The following EXOC5 variants were observed in gnomAD, a reference collection of about 807,000 sequenced individuals.
EXOC5 encodes the protein exocyst complex component 5.
Under a neutral mutation model 90.8 loss-of-function variants are expected in EXOC5, and 17 were observed. The ratio of observed to expected loss-of-function variants is 0.19; its 90% CI spans 0.13 to 0.28. The LOEUF is 0.28. Ranked by LOEUF, EXOC5 falls within the 10% of genes least tolerant of loss-of-function variation. EXOC5 has a pLI of 1.00. For synonymous variants in EXOC5, 260 were observed against 270.0 expected (o/e 0.96, Z 0.36); for missense variants, 569 against 830.6 (o/e 0.69, Z 3.87).
In EXOC5 at chr14:57,201,479, C is replaced by T. The variant is rs1164453006; in HGVS notation, c.*7130G>A. On this transcript the variant is annotated 3_prime_UTR_variant, in exon 18 of 18. Transcript: ENST00000621441. ...ACACACGCGTGTATATGTACACACACGTGTATAAACACACGTGTATATACA... is the reference window on the plus strand; with the variant it reads ...ACACACGCGTGTATATGTACACACATGTGTATAAACACACGTGTATATACA... 3.1e-5 allele frequency: 4 copies of T among 128,252 alleles called. No homozygotes were observed. The highest frequency in any genetic ancestry group is 6.1e-5 in the Non-Finnish European group (4 of 65,838). 7.9% of individuals were successfully genotyped at this position (128,252 alleles called of 1,614,324 possible).
chr14:57,263,604 A>G (rs1221341775), intron 1 of EXOC5, among the ~76,000 whole-genome samples: 1 of 151,600 alleles, frequency 6.6e-6, no homozygotes, highest in Non-Finnish European at 1.5e-5. Flanking sequence ...CATCTCTACT[A>G]AAAATAAAAA....
At chr14:57,243,884 T>C (rs1015798013) in intron 4 of EXOC5, among the ~76,000 whole-genome samples, 7 of 152,082 alleles carry the variant, frequency 4.6e-5, no homozygotes, top group African/African-American at 1.4e-4. Context: ...AAGAAATCTA[T>C]GGTAAAGAGA....
chr14:57,242,447 T>C (rs115857712), intron 4 of EXOC5, among the ~76,000 whole-genome samples: 10 of 151,768 alleles, frequency 6.6e-5, no homozygotes, highest in Admixed American at 6.6e-4. Flanking sequence ...TTTCACCATG[T>C]TGCCCGGGCT....
intron 12 of EXOC5, among the ~76,000 whole-genome samples, chr14:57,223,809 TA>T (rs967243826): frequency 2.4e-4 from 36 of 152,142 alleles, no homozygotes; most frequent in Middle Eastern, 3.4e-3. Flanking sequence ...TATTCTGGGC[TA>T]AAAAAACCAC....
chr14:57,213,421 T>A (rs1882883100), intron 15 of EXOC5, among the ~76,000 whole-genome samples: 2 of 151,794 alleles, frequency 1.3e-5, no homozygotes, highest in South Asian at 4.2e-4. Flanking sequence ...TTATTTATTT[T>A]TTTGAGACAC....
intron 12 of EXOC5, among the ~76,000 whole-genome samples, chr14:57,228,077 T>C (rs1883364960): frequency 6.6e-6 from 1 of 150,538 alleles, no homozygotes; most frequent in African/African-American, 2.5e-5. Flanking sequence ...AAGAAGACAT[T>C]TATGCAGTTA....
At position 57,206,840 on chromosome 14, in the gene EXOC5, G is replaced by C. The variant is rs1290030418; in HGVS notation, c.*1769C>G. On this transcript the variant is annotated 3_prime_UTR_variant, in exon 18 of 18. Coordinates refer to ENST00000621441, the MANE Select transcript of EXOC5 (RefSeq NM_006544.4). ...AAATGTTATCTCATGTTTTATTTGA[G>C]ATTTTTTTTCGTTTTTTCTTTTTTA... 6.6e-6 allele frequency: 1 copy of C among 152,374 alleles called. No homozygotes were observed. Among genetic ancestry groups the C allele is most frequent in the Non-Finnish European group, 1.5e-5 (1 of 67,916 alleles). The allele number at this position is 152,374 out of a possible 1,614,324, so 9.4% of individuals were successfully genotyped here. A position where few individuals can be genotyped will look rare whatever the true frequency, so the allele number is the denominator to read the frequency against.
At chr14:57,267,100 AAT>A (rs1284568075) in intron 1 of EXOC5, among the ~76,000 whole-genome samples, 3 of 152,208 alleles carry the variant, frequency 2.0e-5, no homozygotes, top group Admixed American at 6.5e-5. Context: ...AGATGTGAAA[AAT>A]AAAACAAGGA....
chr14:57,240,272 CAGATATCTTGTGGCCT>C (rs1314149880), intron 4 of EXOC5, among the ~76,000 whole-genome samples: 1 of 150,060 alleles, frequency 6.7e-6, no homozygotes, highest in African/African-American at 2.5e-5. Flanking sequence ...CTTAAGGCCA[CAGATATCTTGTGGCCT>C]AGATATCTCT....
chr14:57,230,420 C>T (rs964547571), intron 11 of EXOC5, among the ~76,000 whole-genome samples: 10 of 140,338 alleles, frequency 7.1e-5, no homozygotes, highest in Admixed American at 1.4e-4. Context: ...TTGAGACTAC[C>T]GTAAACACAC....
chr14:57,246,617 T>C lies in EXOC5; in HGVS notation c.270+94A>G, dbSNP rs1158517460. The C allele has an allele frequency of 2.9e-6, 3 of 1,036,130 alleles. No individual in the cohort carries two copies. In the Admixed American group the frequency reaches 6.5e-5, roughly 23 times the overall value. 64.2% of individuals were successfully genotyped at this position (1,036,130 alleles called of 1,614,324 possible). On this transcript the variant is annotated intron_variant, in intron 3 of 17. Coordinates refer to ENST00000621441, the MANE Select transcript of EXOC5 (RefSeq NM_006544.4). Reference sequence around the variant, plus strand: ...TAGAAAGAAATCTTGACAGTTACTATCATCTGACTAGACTTTTTTAAGAGC... The same window carrying C: ...TAGAAAGAAATCTTGACAGTTACTACCATCTGACTAGACTTTTTTAAGAGC...
intron 12 of EXOC5, among the ~76,000 whole-genome samples, chr14:57,225,741 C>T (rs575923731): frequency 2.6e-5 from 4 of 152,284 alleles, no homozygotes; most frequent in South Asian, 2.1e-4. Flanking sequence ...CAGGAGGTCC[C>T]GCCAACACAT....
At position 57,233,800 on chromosome 14, in the gene EXOC5, A is replaced by G; in HGVS notation, c.798T>C (p.Ser266=). 6.2e-7 allele frequency: 1 copy of G among 1,600,386 alleles called. No homozygotes were observed. Residue 266 remains serine, a synonymous_variant, in exon 9 of 18, where the codon AGT becomes AGC. Transcript: ENST00000621441. ...GTTTAGCCAGGACTGTTTCTGGATT[A>G]CTGAAGATATCTCCAACTTGTTTGT... is the stretch of plus-strand genomic sequence containing the variant. ...RVNKQVGDIF[S]NPETVLAKLI...
rs182288899 is a variant in EXOC5 at position 57,229,678 on chromosome 14, C to T, written c.1296+56G>A. On this transcript the variant is annotated intron_variant, in intron 12 of 17. Transcript: ENST00000621441. ...TCCTCGGAGGTTCTGGAATCAATTC[C>T]CCACAGATATCAAGGAACAACTGTA... The T allele has an allele frequency of 2.0e-5, 26 of 1,291,272 alleles. No individual in the cohort carries two copies. The African/African-American group carries it at 3.7e-4, about 18-fold the overall frequency. The allele number at this position is 1,291,272 out of a possible 1,614,324, so 80.0% of individuals were successfully genotyped here. A position where few individuals can be genotyped will look rare whatever the true frequency, so the allele number is the denominator to read the frequency against.
chr14:57,226,321 C>T (rs1358572165), intron 12 of EXOC5, among the ~76,000 whole-genome samples: 2 of 152,068 alleles, frequency 1.3e-5, no homozygotes, highest in Non-Finnish European at 2.9e-5. Context: ...TCCGTTCTCA[C>T]AGGATATAAG....
intron 6 of EXOC5, among the ~76,000 whole-genome samples, chr14:57,237,013 A>G (rs61994956): frequency 0.033 from 5,047 of 152,288 alleles, 121 homozygotes; most frequent in Non-Finnish European, 0.048. Context: ...AGCTATTTAT[A>G]TAGTATGGTA....
In EXOC5 at chr14:57,247,713, C is replaced by A; in HGVS notation, c.28-1G>T. ...TATATTCATCTGCCACAAAAGGCTC[C>A]TAGTTTACAAAAAAATACGCTTTAA... On this transcript the variant is annotated splice_acceptor_variant, in intron 1 of 17. Coordinates refer to ENST00000621441, the MANE Select transcript of EXOC5 (RefSeq NM_006544.4). LOFTEE classifies it high-confidence loss of function. The A allele has an allele frequency of 6.6e-7, 1 of 1,508,752 alleles. No homozygotes were observed. Among genetic ancestry groups the A allele is most frequent in the Non-Finnish European group, 8.9e-7 (1 of 1,118,568 alleles). 93.5% of individuals were successfully genotyped at this position (1,508,752 alleles called of 1,614,324 possible).
chr14:57,249,984 C>A (rs1272869947), intron 1 of EXOC5, among the ~76,000 whole-genome samples: 1 of 152,034 alleles, frequency 6.6e-6, no homozygotes, highest in Admixed American at 6.6e-5. Flanking sequence ...GTTGGTCAGG[C>A]TGGTCTCAAA....
At chr14:57,215,055 C>G (rs1181931222) in intron 15 of EXOC5, among the ~76,000 whole-genome samples, 19 of 151,976 alleles carry the variant, frequency 1.3e-4, no homozygotes, top group Admixed American at 1.2e-3. Flanking sequence ...CACAGTAAAA[C>G]CATGTCTCTA....
Sources: allele counts gnomAD v4.1 joint callset (sites outside exome capture counted in the v4.1 genomes callset), GRCh38; gene constraint gnomAD v4.1.1; transcripts MANE v1.5; gene names NCBI Gene and HGNC (gene_info 2026-07-23, HGNC 2026-07-21).